Variants in CDH12 observed in about 807,000 individuals in gnomAD.
CDH12 encodes cadherin-12.
In CDH12, 41 loss-of-function variants were observed where a neutral mutation model predicts 74.1. That is an observed-to-expected ratio of 0.55 (90% CI 0.43 to 0.72). The LOEUF (loss-of-function observed/expected upper bound fraction) is 0.72. Among genes scored for constraint, CDH12 ranks in the 30% least tolerant of loss-of-function variants. CDH12 has a pLI of 0.00. For missense variants in CDH12, 945 were observed against 977.2 expected (o/e 0.97, Z 0.44); for synonymous variants, 399 against 355.0 (o/e 1.12, Z -1.39).
chr5:22,203,715 G>A (rs914239196), intron 4 of CDH12, among the ~76,000 whole-genome samples: 2 of 152,108 alleles, frequency 1.3e-5, no homozygotes, highest in East Asian at 1.9e-4. Flanking sequence ...CTCACCAACA[G>A]CAATATGAAT....
chr5:22,523,981 A>ATTTT (rs761099580), intron 1 of CDH12, among the ~76,000 whole-genome samples: 4 of 142,190 alleles, frequency 2.8e-5, no homozygotes, highest in Non-Finnish European at 6.2e-5. Flanking sequence ...TATTATTATT[A>ATTTT]TTTTTTTTTT....
intron 5 of CDH12, among the ~76,000 whole-genome samples, chr5:22,046,495 C>T (rs907902974): frequency 2.8e-5 from 4 of 141,970 alleles, no homozygotes; most frequent in Non-Finnish European, 4.5e-5. Flanking sequence ...TGCAGTGGCG[C>T]GATTTGGCTC....
chr5:21,895,694 A>C (rs1753091977), intron 6 of CDH12, among the ~76,000 whole-genome samples: 1 of 152,154 alleles, frequency 6.6e-6, no homozygotes, highest in Non-Finnish European at 1.5e-5. Context: ...CCCCCCACCC[A>C]GTCAGGGACT....
At chr5:22,193,738 G>C (rs1446076082) in intron 4 of CDH12, among the ~76,000 whole-genome samples, 6 of 151,424 alleles carry the variant, frequency 4.0e-5, no homozygotes, top group African/African-American at 1.5e-4. Context: ...TTGTTTTATA[G>C]AAGAAAAACC....
At chr5:21,880,620 T>TTCCTTCCTTCC (rs1561268475) in intron 6 of CDH12, among the ~76,000 whole-genome samples, 14 of 22,090 alleles carry the variant, frequency 6.3e-4, no homozygotes, top group South Asian at 2.4e-3. Flanking sequence ...TCCTTCCTTC[T>TTCCTTCCTTCC]TTCTTTCTTT....
chr5:22,072,625 C>G (rs1742028472), intron 5 of CDH12, among the ~76,000 whole-genome samples: 1 of 150,254 alleles, frequency 6.7e-6, no homozygotes, highest in Admixed American at 6.7e-5. Context: ...GTACAATGTG[C>G]AGGTTTGTTA....
At chr5:22,673,048 A>G (rs1420030642) in intron 1 of CDH12, among the ~76,000 whole-genome samples, 1 of 151,726 alleles carries the variant, frequency 6.6e-6, no homozygotes, top group Non-Finnish European at 1.5e-5. Context: ...TGGATCTTTC[A>G]TATTTAATAT....
At position 21,910,676 on chromosome 5, in the gene CDH12, CT is replaced by C. The variant is rs5866529; in HGVS notation, c.527-55887del. Among the ~76,000 whole-genome samples, 47 of 146,340 alleles carry C rather than the reference CT, an allele frequency of 3.2e-4. 1 individual carries two copies. Among genetic ancestry groups the C allele is most frequent in the East Asian group, 1.0e-3 (5 of 4,990 alleles). ...TTTCCAAGAGAAAGGTAGGATTTAT[CT>C]TTTTTTTTTTTTAATCAAAAGAATC... On this transcript the variant is annotated intron_variant, in intron 6 of 14. Transcript: ENST00000382254.
intron 6 of CDH12, among the ~76,000 whole-genome samples, chr5:21,867,917 A>G (rs1290938418): frequency 6.6e-6 from 1 of 152,114 alleles, no homozygotes; most frequent in African/African-American, 2.4e-5. Flanking sequence ...AGCTCCCATA[A>G]TTTCCTCATG....
intron 4 of CDH12, among the ~76,000 whole-genome samples, chr5:22,154,657 TATAATAATA>T (rs57078125): frequency 6.7e-6 from 1 of 149,392 alleles, no homozygotes; most frequent in Admixed American, 6.7e-5. Flanking sequence ...TATACACATA[TATAATAATA>T]ATAATATCAA....
At chr5:22,427,692 G>A (rs1255078936) in intron 2 of CDH12, among the ~76,000 whole-genome samples, 16 of 152,154 alleles carry the variant, frequency 1.1e-4, no homozygotes, top group Non-Finnish European at 1.9e-4. Context: ...TCCCTAGAAT[G>A]TGGTTAAAAA....
intron 4 of CDH12, among the ~76,000 whole-genome samples, chr5:22,098,483 G>A (rs955283149): frequency 1.3e-5 from 2 of 152,076 alleles, no homozygotes; most frequent in Non-Finnish European, 2.9e-5. Flanking sequence ...TCATGTTTGC[G>A]TGCAGCAGCT....
chr5:22,194,402 G>A (rs1750505253), intron 4 of CDH12, among the ~76,000 whole-genome samples: 1 of 150,450 alleles, frequency 6.6e-6, no homozygotes, highest in Non-Finnish European at 1.5e-5. Context: ...CACAATTTCA[G>A]GTCACTGCAA....
At chr5:22,324,495 G>A (rs1301511545) in intron 3 of CDH12, among the ~76,000 whole-genome samples, 2 of 151,858 alleles carry the variant, frequency 1.3e-5, no homozygotes, top group African/African-American at 4.8e-5. Flanking sequence ...AAGTTACTAA[G>A]TTATCATGGT....
chr5:22,052,146 C>G (rs561882114), intron 5 of CDH12, among the ~76,000 whole-genome samples: 1 of 152,164 alleles, frequency 6.6e-6, no homozygotes, highest in Admixed American at 6.6e-5. Context: ...GCCTTCAGCA[C>G]TTTGTCCTGC....
At chr5:22,521,044 T>A (rs1037316592) in intron 1 of CDH12, among the ~76,000 whole-genome samples, 1 of 151,828 alleles carries the variant, frequency 6.6e-6, no homozygotes. Context: ...TCCTGTATCA[T>A]GGCAGGAGGT....
intron 6 of CDH12, among the ~76,000 whole-genome samples, chr5:21,923,108 T>C (rs900274734): frequency 2.0e-5 from 3 of 152,118 alleles, no homozygotes; most frequent in Non-Finnish European, 4.4e-5. Context: ...TTTTTCTTGT[T>C]GTTTTAATGC....
At chr5:22,783,540 C>T (rs982457328) in intron 1 of CDH12, among the ~76,000 whole-genome samples, 8 of 152,106 alleles carry the variant, frequency 5.3e-5, no homozygotes, top group Admixed American at 5.2e-4. Flanking sequence ...ATACAACTGG[C>T]AACTCACAAC....
At chr5:22,279,624 C>G (rs916130900) in intron 3 of CDH12, among the ~76,000 whole-genome samples, 1 of 151,956 alleles carries the variant, frequency 6.6e-6, no homozygotes, top group Non-Finnish European at 1.5e-5. Flanking sequence ...AGAACATGCG[C>G]TGTTTGGGTT....
Sources: gnomAD v4.1 joint callset for allele counts (sites outside exome capture counted in the v4.1 genomes callset) on GRCh38, gnomAD v4.1.1 for gene constraint, MANE v1.5 for transcripts, NCBI Gene and HGNC (gene_info 2026-07-23, HGNC 2026-07-21) for gene names.